Variants in NRP2 observed in about 807,000 individuals in gnomAD.
NRP2 encodes the protein neuropilin-2.
NRP2 carries 52 observed loss-of-function variants against 110.4 expected under a neutral mutation model. The observed-to-expected ratio is 0.47, with a 90% confidence interval of 0.38 to 0.59. The LOEUF (loss-of-function observed/expected upper bound fraction) is 0.59, where lower values mean the gene tolerates loss of function less well. Ranked by LOEUF, NRP2 falls within the 20% of genes least tolerant of loss-of-function variation. The probability of loss-of-function intolerance (pLI) is 0.00; values close to 1 mark genes in which losing one functional copy is unlikely to be tolerated. For synonymous variants in NRP2, 508 were observed against 468.9 expected (o/e 1.08, Z -1.08); for missense variants, 1,049 against 1,203.0 (o/e 0.87, Z 1.89).
chr2:205,711,649 A>G (rs2056801270), intron 2 of NRP2, among the ~76,000 whole-genome samples: 1 of 152,168 alleles, frequency 6.6e-6, no homozygotes, highest in African/African-American at 2.4e-5. Flanking sequence ...TGGTTGGCAA[A>G]GGTTATGATG....
intron 10 of NRP2, 122 bp from the exon 11 acceptor site, chr2:205,749,603 A>G: frequency 2.5e-6 from 2 of 794,452 alleles, no homozygotes; most frequent in Non-Finnish European, 4.4e-6. Context: ...ACATGACTTC[A>G]GAGTTCCGTG....
At chr2:205,762,147 G>A (rs1163252717) in intron 12 of NRP2, 1 of 152,222 alleles carries the variant, frequency 6.6e-6, no homozygotes, top group African/African-American at 2.4e-5. Flanking sequence ...ACCTTGTAGG[G>A]TATGTAGACA....
intron 4 of NRP2, 25 bp downstream of exon 4, chr2:205,722,733 T>C (rs755699485): frequency 1.9e-5 from 31 of 1,593,466 alleles, no homozygotes; most frequent in Non-Finnish European, 2.4e-5. Flanking sequence ...GAGGCATTCC[T>C]CAGTAGCTTG....
intron 7 of NRP2, among the ~76,000 whole-genome samples, chr2:205,738,174 T>C (rs574858155): frequency 9.8e-5 from 15 of 152,296 alleles, no homozygotes; most frequent in African/African-American, 3.6e-4. Flanking sequence ...AGTGTTAAAG[T>C]TCAGATCCAC....
At chr2:205,684,999 G>A (rs887018536) in intron 1 of NRP2, among the ~76,000 whole-genome samples, 1 of 151,824 alleles carries the variant, frequency 6.6e-6, no homozygotes, top group Non-Finnish European at 1.5e-5. Flanking sequence ...TGCAACTTCA[G>A]GTTCCGTGTG....
chr2:205,779,576 A>C (rs1271507254), intron 15 of NRP2: 1 of 152,224 alleles, frequency 6.6e-6, no homozygotes, highest in Non-Finnish European at 1.5e-5. Context: ...TTTACTTCCT[A>C]TTCTTATTCC....
At chr2:205,766,829 ATT>A in intron 15 of NRP2, 26 bp downstream of exon 15, 3 of 1,538,932 alleles carry the variant, frequency 1.9e-6, no homozygotes, top group Non-Finnish European at 2.7e-6. Context: ...GTAAAAAAAA[ATT>A]TTTTTTTTGC....
chr2:205,736,937 C>G (rs2057354500), intron 7 of NRP2, among the ~76,000 whole-genome samples: 2 of 152,116 alleles, frequency 1.3e-5, no homozygotes, highest in Admixed American at 1.3e-4. Flanking sequence ...TATATGATAG[C>G]ATTTACTAGC....
intron 10 of NRP2, 49 bp downstream of exon 10, chr2:205,745,939 AC>A (rs1477316458): frequency 1.2e-6 from 2 of 1,609,588 alleles, no homozygotes; most frequent in African/African-American, 1.3e-5. Flanking sequence ...TGGTCCTCTG[AC>A]CCTGGCATCC....
At chr2:205,747,729 T>TC (rs2057563962) in intron 10 of NRP2, among the ~76,000 whole-genome samples, 1 of 152,122 alleles carries the variant, frequency 6.6e-6, no homozygotes, top group African/African-American at 2.4e-5. Flanking sequence ...CTGGATGAAG[T>TC]CCACCTCATT....
chr2:205,717,816 G>A (rs945403418), intron 3 of NRP2, among the ~76,000 whole-genome samples: 2 of 152,232 alleles, frequency 1.3e-5, no homozygotes, highest in African/African-American at 4.8e-5. Flanking sequence ...AAAAGAGAAA[G>A]AAATAAAAGG....
chr2:205,757,699 A>G (rs1276290659), intron 12 of NRP2, among the ~76,000 whole-genome samples: 1 of 152,174 alleles, frequency 6.6e-6, no homozygotes, highest in African/African-American at 2.4e-5. Context: ...GACACTGCAA[A>G]TCCAGAGACA....
chr2:205,772,677 C>G (rs1352029461), intron 15 of NRP2, among the ~76,000 whole-genome samples: 1 of 152,170 alleles, frequency 6.6e-6, no homozygotes, highest in Admixed American at 6.5e-5. Context: ...ACAGATCAAC[C>G]AACTCCAGGC....
intron 11 of NRP2, among the ~76,000 whole-genome samples, chr2:205,750,250 T>C (rs2105891187): frequency 6.6e-6 from 1 of 152,372 alleles, no homozygotes; most frequent in East Asian, 1.9e-4. Context: ...GAAGTGAAGA[T>C]ACGGCAGTCA....
chr2:205,691,428 A>C (rs1204943368), intron 1 of NRP2, among the ~76,000 whole-genome samples: 11 of 152,126 alleles, frequency 7.2e-5, no homozygotes, highest in Admixed American at 1.3e-4. Context: ...GGTTTGGGGA[A>C]CACTCAGAAG....
chr2:205,749,447 G>C (rs557227402), intron 10 of NRP2, among the ~76,000 whole-genome samples: 2 of 152,044 alleles, frequency 1.3e-5, no homozygotes, highest in Non-Finnish European at 2.9e-5. Flanking sequence ...TTATTGTCTC[G>C]TGGCCTTTTG....
At chr2:205,785,055 G>A (rs1260722345) in intron 15 of NRP2, among the ~76,000 whole-genome samples, 1 of 152,156 alleles carries the variant, frequency 6.6e-6, no homozygotes, top group Non-Finnish European at 1.5e-5. Flanking sequence ...ATTCATTCTT[G>A]TGTTCAGAAG....
chr2:205,686,191 G>A lies in NRP2; in HGVS notation c.73+2828G>A, dbSNP rs1327915185. Reference sequence around the variant, plus strand: ...CGAGGCTGAAGCCTCCGCGAAGTTGGCCGCCTCCAACTACTCCATGCTTGT... The same window carrying A: ...CGAGGCTGAAGCCTCCGCGAAGTTGACCGCCTCCAACTACTCCATGCTTGT... On this transcript the variant is annotated intron_variant, in intron 1 of 16. Transcript: ENST00000357785. This position sits in a 1 kb window ranked among gnomAD's most constrained non-coding sequence, Gnocchi z 4.7. 6.6e-6 allele frequency among the ~76,000 whole-genome samples: 1 copy of A among 152,112 alleles called. No individual in the cohort carries two copies. Among genetic ancestry groups the A allele is most frequent in the Non-Finnish European group, 1.5e-5 (1 of 68,012 alleles).
At chr2:205,722,974 C>T (rs998159229) in intron 4 of NRP2, among the ~76,000 whole-genome samples, 4 of 152,156 alleles carry the variant, frequency 2.6e-5, no homozygotes, top group Non-Finnish European at 4.4e-5. Flanking sequence ...GTGTTCATTT[C>T]TACTCCAAAT....
Sources: gnomAD v4.1 joint callset for allele counts (sites outside exome capture counted in the v4.1 genomes callset) on GRCh38, gnomAD v4.1.1 for gene constraint, Gnocchi (gnomAD v3.1) non-coding constraint, MANE v1.5 for transcripts, NCBI Gene and HGNC (gene_info 2026-07-23, HGNC 2026-07-21) for gene names.